Variants in LDLRAD3 observed in about 807,000 individuals in gnomAD.
LDLRAD3 encodes low-density lipoprotein receptor class A domain-containing protein 3.
Under a neutral mutation model 29.4 loss-of-function variants are expected in LDLRAD3, and 20 were observed. The observed-to-expected ratio is 0.68, with a 90% CI of 0.48 to 0.99. The LOEUF is 0.99. LDLRAD3 is among the 50% of genes least tolerant of loss of function. The probability of loss-of-function intolerance (pLI) is 0.00; values close to 1 mark genes in which losing one functional copy is unlikely to be tolerated. For synonymous variants in LDLRAD3, 157 were observed against 192.7 expected (o/e 0.81, Z 1.53); for missense variants, 420 against 454.3 (o/e 0.92, Z 0.69).
At chr11:36,025,588 A>T (rs1852154726) in intron 1 of LDLRAD3, among the ~76,000 whole-genome samples, 1 of 151,534 alleles carries the variant, frequency 6.6e-6, no homozygotes, top group Non-Finnish European at 1.5e-5. Flanking sequence ...ACGGGGTTTC[A>T]CCCTGTTAGC....
At chr11:36,053,149 T>C (rs938937918) in intron 2 of LDLRAD3, among the ~76,000 whole-genome samples, 2 of 152,154 alleles carry the variant, frequency 1.3e-5, no homozygotes, top group Admixed American at 6.5e-5. Flanking sequence ...AAAATATCTA[T>C]TGGGCTTGAG....
chr11:36,139,645 T>G (rs1232012324), intron 4 of LDLRAD3, among the ~76,000 whole-genome samples: 1 of 152,170 alleles, frequency 6.6e-6, no homozygotes, highest in Non-Finnish European at 1.5e-5. Flanking sequence ...GTCACACAGC[T>G]GATGAGTCCA....
At chr11:36,120,761 T>C (rs1367221434) in intron 4 of LDLRAD3, among the ~76,000 whole-genome samples, 1 of 152,200 alleles carries the variant, frequency 6.6e-6, no homozygotes, top group Non-Finnish European at 1.5e-5. Context: ...GCAAATTCTA[T>C]ATGCTGAAAT....
At chr11:36,022,231 T>C (rs1364578317) in intron 1 of LDLRAD3, among the ~76,000 whole-genome samples, 1 of 152,240 alleles carries the variant, frequency 6.6e-6, no homozygotes, top group Non-Finnish European at 1.5e-5. Flanking sequence ...ATTAATCATG[T>C]AACTACATTA....
chr11:36,041,491 C>G (rs1380146993), intron 2 of LDLRAD3, among the ~76,000 whole-genome samples: 1 of 152,196 alleles, frequency 6.6e-6, no homozygotes, highest in African/African-American at 2.4e-5. Flanking sequence ...CATGTCAAAC[C>G]TGCTTTTTAA....
At chr11:36,075,405 C>A (rs886379341) in intron 2 of LDLRAD3, among the ~76,000 whole-genome samples, 22 of 152,262 alleles carry the variant, frequency 1.4e-4, no homozygotes, top group African/African-American at 5.1e-4. Flanking sequence ...CCTGACACAG[C>A]ATCTTATATG....
intron 1 of LDLRAD3, among the ~76,000 whole-genome samples, chr11:36,024,267 C>G (rs1475637337): frequency 6.6e-6 from 1 of 152,192 alleles, no homozygotes; most frequent in Non-Finnish European, 1.5e-5. Flanking sequence ...CTTATATATA[C>G]TTTATCCTTC....
chr11:36,218,508 G>A (rs528161036), intron 4 of LDLRAD3, among the ~76,000 whole-genome samples: 2 of 152,340 alleles, frequency 1.3e-5, no homozygotes, highest in East Asian at 3.9e-4. Context: ...CTCTCACGGA[G>A]GTTTTCTTCC....
At chr11:36,096,616 A>G (rs1565219441) in intron 3 of LDLRAD3, among the ~76,000 whole-genome samples, 1 of 152,264 alleles carries the variant, frequency 6.6e-6, no homozygotes, top group Admixed American at 6.5e-5. Context: ...TGGGCACTGT[A>G]CATTTTCCCA....
At chr11:36,031,353 A>G (rs1852233533) in intron 1 of LDLRAD3, among the ~76,000 whole-genome samples, 1 of 152,172 alleles carries the variant, frequency 6.6e-6, no homozygotes. Flanking sequence ...CAGACTGGGT[A>G]GTAATTTACT....
At position 36,105,205 on chromosome 11, in the gene LDLRAD3, T is replaced by TTGTG. The variant is rs10565208; in HGVS notation, c.454+6775_454+6778dup. 6.7e-3 allele frequency among the ~76,000 whole-genome samples: 933 copies of TTGTG among 138,522 alleles called. 3 individuals are homozygous for TTGTG. Among genetic ancestry groups the TTGTG allele is most frequent in the African/African-American group, 0.017 (574 of 34,782 alleles). The allele number at this position is 138,522 out of a possible 152,430, so 90.9% of individuals were successfully genotyped here. A position where few individuals can be genotyped will look rare whatever the true frequency, so the allele number is the denominator to read the frequency against. ...CTTTGTCCTGTTCCTTCTGCAGAAT[T>TTGTG]TGTGTGTGTGTGTGTGTGTGTGTGT... On this transcript the variant is annotated intron_variant, in intron 4 of 5. Coordinates refer to ENST00000315571, the MANE Select transcript of LDLRAD3 (RefSeq NM_174902.4).
chr11:36,127,120 GTC>G (rs138955180), intron 4 of LDLRAD3, among the ~76,000 whole-genome samples: 3,392 of 152,190 alleles, frequency 0.022, 122 homozygotes, highest in African/African-American at 0.078. Context: ...CTGTATTCTT[GTC>G]AACACTTGAT....
At chr11:36,062,641 G>T (rs1439394613) in intron 2 of LDLRAD3, among the ~76,000 whole-genome samples, 1 of 152,122 alleles carries the variant, frequency 6.6e-6, no homozygotes, top group Non-Finnish European at 1.5e-5. Flanking sequence ...CATGGGGGTG[G>T]TTACCTTCAT....
intron 2 of LDLRAD3, among the ~76,000 whole-genome samples, chr11:36,069,394 C>T (rs1179765052): frequency 6.6e-6 from 1 of 152,194 alleles, no homozygotes. Context: ...ACCAAATGAG[C>T]TAGAGGACTG....
intron 1 of LDLRAD3, among the ~76,000 whole-genome samples, chr11:36,017,669 C>A (rs191137191): frequency 2.6e-5 from 4 of 152,022 alleles, no homozygotes; most frequent in Non-Finnish European, 5.9e-5. Flanking sequence ...GCTGGGATTA[C>A]AGTCGTGCAC....
chr11:35,968,515 A>G, intron 1 of LDLRAD3: 1 of 331,652 alleles, frequency 3.0e-6, no homozygotes, highest in South Asian at 3.4e-5. Context: ...TGTTGAGTTC[A>G]TGCACGTTAC....
At chr11:36,181,390 C>A (rs987203759) in intron 4 of LDLRAD3, among the ~76,000 whole-genome samples, 1 of 152,178 alleles carries the variant, frequency 6.6e-6, no homozygotes, top group East Asian at 1.9e-4. Context: ...AGCATCACCT[C>A]CCAGTAATCC....
intron 4 of LDLRAD3, among the ~76,000 whole-genome samples, chr11:36,222,196 G>A (rs1287541156): frequency 6.6e-6 from 1 of 152,102 alleles, no homozygotes; most frequent in Non-Finnish European, 1.5e-5. Context: ...AGCCTCCTGA[G>A]TAGCTGGGAC....
chr11:36,083,559 A>T (rs917203255), intron 3 of LDLRAD3, among the ~76,000 whole-genome samples: 1 of 152,112 alleles, frequency 6.6e-6, no homozygotes, highest in Non-Finnish European at 1.5e-5. Flanking sequence ...TTGATTTTTT[A>T]AAATAGTGGT....
Sources: allele counts gnomAD v4.1 joint callset (sites outside exome capture counted in the v4.1 genomes callset), GRCh38; gene constraint gnomAD v4.1.1; transcripts MANE v1.5; gene names NCBI Gene and HGNC (gene_info 2026-07-23, HGNC 2026-07-21).